BLTP3B: variants seen among roughly 807,000 people sequenced by gnomAD.
BLTP3B encodes the protein bridge-like lipid transfer protein family member 3B.
At chr12:100,104,204 C>CT in the BLTP3B span, among the ~76,000 whole-genome samples, 2,522 of 131,634 alleles carry the variant, frequency 0.019, 43 homozygotes, top group African/African-American at 0.035. Context: ...TTCTTTTTTT[C>CT]TTTTTTTTTT....
chr12:100,083,123 G>C, the BLTP3B span: 1 of 1,611,936 alleles, frequency 6.2e-7, no homozygotes, highest in South Asian at 1.1e-5. Context: ...CCTTTCAGAG[G>C]GTAGTCCTTC....
At chr12:100,128,102 A>G in the BLTP3B span, among the ~76,000 whole-genome samples, 5 of 152,234 alleles carry the variant, frequency 3.3e-5, no homozygotes, top group Non-Finnish European at 7.3e-5. Flanking sequence ...TGATAAAGAT[A>G]ACTATCATTA....
the BLTP3B span, among the ~76,000 whole-genome samples, chr12:100,135,829 T>A: frequency 1.3e-4 from 20 of 152,152 alleles, no homozygotes; most frequent in Admixed American, 1.2e-3. Context: ...GGTACAATAT[T>A]TGGTACAAGG....
chr12:100,059,341 A>T, the BLTP3B span: 1 of 1,614,066 alleles, frequency 6.2e-7, no homozygotes, highest in Non-Finnish European at 8.5e-7. Context: ...TTGTCACAAG[A>T]TTTGGGGAAG....
chr12:100,069,865 A>T, the BLTP3B span: 1 of 805,090 alleles, frequency 1.2e-6, no homozygotes, highest in Non-Finnish European at 1.5e-6. Context: ...GGAAATAAAA[A>T]ATTTTTTTAA....
At chr12:100,071,497 CAAAAAAAA>C in the BLTP3B span, among the ~76,000 whole-genome samples, 49 of 78,684 alleles carry the variant, frequency 6.2e-4, no homozygotes, top group South Asian at 1.9e-3. Context: ...ACTATGTCTC[CAAAAAAAA>C]AAAAAAAAAA....
chr12:100,052,380 G>A, the BLTP3B span, among the ~76,000 whole-genome samples: 1 of 151,832 alleles, frequency 6.6e-6, no homozygotes, highest in Non-Finnish European at 1.5e-5. Flanking sequence ...ACATGGAAAA[G>A]AATAATTGCA....
chr12:100,073,679 T>C, the BLTP3B span, among the ~76,000 whole-genome samples: 1 of 152,172 alleles, frequency 6.6e-6, no homozygotes, highest in East Asian at 1.9e-4. Flanking sequence ...TCAAATAGTT[T>C]GATCGCTCGA....
At chr12:100,128,827 G>GA in the BLTP3B span, 90,641 of 884,326 alleles carry the variant, frequency 0.1, 1,216 homozygotes, top group South Asian at 0.12. Flanking sequence ...GTGCCCTTTG[G>GA]AAAAAAAAAA....
At chr12:100,050,280 C>A in the BLTP3B span, 1 of 1,609,246 alleles carries the variant, frequency 6.2e-7, no homozygotes. Context: ...TGTCAATTTC[C>A]CCATTAACAC....
chr12:100,051,103 A>G, the BLTP3B span: 1 of 1,613,830 alleles, frequency 6.2e-7, no homozygotes, highest in Non-Finnish European at 8.5e-7. Context: ...TTTCCTGAGC[A>G]CCCTCTGAAT....
chr12:100,073,708 CTA>C, the BLTP3B span, among the ~76,000 whole-genome samples: 3 of 152,186 alleles, frequency 2.0e-5, no homozygotes, highest in East Asian at 3.9e-4. Context: ...TCCAAAAAGA[CTA>C]TGTTTCATAC....
the BLTP3B span, among the ~76,000 whole-genome samples, chr12:100,080,423 G>A: frequency 6.6e-6 from 1 of 151,514 alleles, no homozygotes; most frequent in Admixed American, 6.6e-5. Flanking sequence ...CGCGATCTCA[G>A]CTCACTGTAA....
chr12:100,118,101 T>G, the BLTP3B span, among the ~76,000 whole-genome samples: 1 of 151,422 alleles, frequency 6.6e-6, no homozygotes, highest in Non-Finnish European at 1.5e-5. Flanking sequence ...TAATTTTATA[T>G]AAATTTTTGT....
At chr12:100,124,936 TTATATATA>T in the BLTP3B span, among the ~76,000 whole-genome samples, 480 of 56,512 alleles carry the variant, frequency 8.5e-3, 12 homozygotes, top group East Asian at 0.02. Context: ...AAAAAAAATT[TTATATATA>T]TATATATATA....
the BLTP3B span, among the ~76,000 whole-genome samples, chr12:100,063,895 C>T: frequency 2.1e-4 from 32 of 152,120 alleles, no homozygotes; most frequent in South Asian, 6.7e-3. Context: ...ACACCTCCAA[C>T]AAATCACAAC....
At chr12:100,136,252 A>G in the BLTP3B span, among the ~76,000 whole-genome samples, 2 of 151,594 alleles carry the variant, frequency 1.3e-5, no homozygotes, top group Non-Finnish European at 2.9e-5. Flanking sequence ...AAGTAAATTT[A>G]TAATCCAAAA....
At chr12:100,050,958 T>C in the BLTP3B span, 1 of 1,335,838 alleles carries the variant, frequency 7.5e-7, no homozygotes, top group Non-Finnish European at 1.0e-6. Flanking sequence ...AGCTGCAAAT[T>C]GAATTGCCCA....
the BLTP3B span, chr12:100,050,267 G>A: frequency 2.2e-5 from 35 of 1,610,312 alleles, no homozygotes; most frequent in Non-Finnish European, 2.8e-5. Context: ...TCTTCCCCTC[G>A]GATGTCAATT....
Sources: allele counts gnomAD v4.1 joint callset (sites outside exome capture counted in the v4.1 genomes callset), GRCh38; gene constraint gnomAD v4.1.1; transcripts MANE v1.5; gene names NCBI Gene and HGNC (gene_info 2026-07-23, HGNC 2026-07-21).